Variants in ACSL6 observed in about 807,000 individuals in gnomAD.
ACSL6 encodes long-chain-fatty-acid--CoA ligase 6.
A neutral mutation model predicts 98.2 loss-of-function variants in ACSL6; 47 were observed. The ratio of observed to expected loss-of-function variants is 0.48; its 90% CI spans 0.38 to 0.61. The LOEUF (loss-of-function observed/expected upper bound fraction) is 0.61. Among genes scored for constraint, ACSL6 ranks in the 20% least tolerant of loss-of-function variants. ACSL6 has a pLI of 0.00. For missense variants in ACSL6, 761 were observed against 913.4 expected (o/e 0.83, Z 2.15); for synonymous variants, 362 against 336.9 (o/e 1.07, Z -0.82).
intron 3 of ACSL6, 132 bp from the exon 4 acceptor site, chr5:131,990,296 G>A: frequency 1.3e-6 from 1 of 798,704 alleles, no homozygotes; most frequent in Non-Finnish European, 2.0e-6. Context: ...CTGCCCTCCT[G>A]CACTGCCAGC....
chr5:131,962,777 G>T, intron 17 of ACSL6, 99 bp from the exon 18 acceptor site: 4 of 1,365,972 alleles, frequency 2.9e-6, no homozygotes, highest in Non-Finnish European at 3.0e-6. Flanking sequence ...CCACCCTGCA[G>T]ACCCCACCCC....
In ACSL6 at chr5:132,011,454, C is replaced by T. The variant is rs1299909334; in HGVS notation, c.49+51G>A. 1 of 1,586,560 alleles carries T rather than the reference C, an allele frequency of 6.3e-7. No individual in the cohort carries two copies. Among genetic ancestry groups the T allele is most frequent in the Admixed American group, 1.7e-5 (1 of 59,848 alleles). ...ACACCTCCACCTCGGGCGAAGACCT[C>T]ATAGCCTGCGGGAGATGGGAGTCCG... On this transcript the variant is annotated intron_variant, in intron 1 of 20. Transcript: ENST00000651883. The surrounding 1 kb of genome is among the most constrained non-coding windows in gnomAD (Gnocchi z 5.4).
Position 131,952,533 on chromosome 5 carries a change from A to C in ACSL6, c.*1701T>G, listed in dbSNP as rs1465804423. 1 of 215,578 alleles carries C rather than the reference A, an allele frequency of 4.6e-6. No individual in the cohort carries two copies. The allele number at this position is 215,578 out of a possible 1,614,324, so 13.4% of individuals were successfully genotyped here. ...TAGACTACAAACACTGAGCACATAC[A>C]TTTTAAATTAACACATGAATTGCAT... On this transcript the variant is annotated 3_prime_UTR_variant, in exon 21 of 21. Coordinates refer to ENST00000651883, the MANE Select transcript of ACSL6 (RefSeq NM_001009185.3).
chr5:131,960,426 C>T (rs974713023), intron 19 of ACSL6, 94 bp downstream of exon 19: 10 of 992,426 alleles, frequency 1.0e-5, no homozygotes, highest in Admixed American at 6.1e-5. Context: ...CGTACGAGCT[C>T]GAATTTCACT....
intron 1 of ACSL6, among the ~76,000 whole-genome samples, chr5:132,005,118 C>T (rs570889116): frequency 4.5e-4 from 68 of 152,164 alleles, no homozygotes; most frequent in African/African-American, 1.6e-3. Flanking sequence ...CGCCATTGCA[C>T]TCCAGCCTGG....
intron 13 of ACSL6, 81 bp from the exon 14 acceptor site, chr5:131,971,726 C>T (rs1753319079): frequency 8.2e-7 from 1 of 1,225,834 alleles, no homozygotes; most frequent in South Asian, 1.7e-5. Flanking sequence ...CCAAGGTCAA[C>T]ATCCAACAAC....
intron 9 of ACSL6, chr5:131,984,723 T>G (rs1754078438): frequency 6.5e-6 from 1 of 154,272 alleles, no homozygotes; most frequent in African/African-American, 2.4e-5. Context: ...GAAGCCTTCC[T>G]TGATTATTCC....
At chr5:132,008,811 T>G (rs1203254804) in intron 1 of ACSL6, among the ~76,000 whole-genome samples, 1 of 152,240 alleles carries the variant, frequency 6.6e-6, no homozygotes, top group Non-Finnish European at 1.5e-5. Flanking sequence ...GGTATATGAT[T>G]GAACAGATTA....
At chr5:131,988,475 C>T in intron 6 of ACSL6, 1 of 1,546,284 alleles carries the variant, frequency 6.5e-7, no homozygotes, top group Admixed American at 1.7e-5. Context: ...CAGGCTCTGC[C>T]CCCATCATCC....
intron 17 of ACSL6, among the ~76,000 whole-genome samples, chr5:131,965,818 A>C (rs951172655): frequency 3.9e-5 from 6 of 152,224 alleles, no homozygotes; most frequent in Non-Finnish European, 8.8e-5. Flanking sequence ...AAAATGAGAG[A>C]ATGAGGCAAA....
chr5:132,005,710 C>T (rs1755369585), intron 1 of ACSL6, among the ~76,000 whole-genome samples: 1 of 152,220 alleles, frequency 6.6e-6, no homozygotes, highest in Admixed American at 6.5e-5. Flanking sequence ...GGGGGAGTCT[C>T]AGCCCCTACA....
In ACSL6 at chr5:131,986,788, C is replaced by G. The variant is rs141033988; in HGVS notation, c.864+34G>C. The G allele has an allele frequency of 1.5e-5, 24 of 1,613,850 alleles. No homozygotes were observed. The East Asian group carries it at 5.3e-4, about 36-fold the overall frequency. On this transcript the variant is annotated intron_variant, in intron 8 of 20. Transcript: ENST00000651883. Reference sequence around the variant, plus strand: ...TGAGGACAGGCCCTGCACGCCATCTCGCTCAATAAAGACCTGCAGGTGAAT... The same window carrying G: ...TGAGGACAGGCCCTGCACGCCATCTGGCTCAATAAAGACCTGCAGGTGAAT...
At position 131,990,230 on chromosome 5, in the gene ACSL6, C is replaced by A. The variant is rs968937286; in HGVS notation, c.386-66G>T. On this transcript the variant is annotated intron_variant, in intron 3 of 20. Coordinates refer to ENST00000651883, the MANE Select transcript of ACSL6 (RefSeq NM_001009185.3). ...GAGTGGGTGTGCCACCTGCATCCGC[C>A]CATCAGAAACCTGGATGGACATCCC... is the stretch of plus-strand genomic sequence containing the variant. 143 of 1,513,592 alleles carry A rather than the reference C, an allele frequency of 9.4e-5. No homozygotes were observed. In the Admixed American group the frequency reaches 2.5e-3, roughly 26 times the overall value. 93.8% of individuals were successfully genotyped at this position (1,513,592 alleles called of 1,614,324 possible).
intron 1 of ACSL6, among the ~76,000 whole-genome samples, chr5:132,003,297 G>A (rs943413228): frequency 4.6e-5 from 7 of 152,188 alleles, no homozygotes; most frequent in African/African-American, 9.6e-5. Context: ...GAGGTCAGGC[G>A]GCACAGCAGC....
At chr5:132,007,652 T>C (rs1443527758) in intron 1 of ACSL6, among the ~76,000 whole-genome samples, 3 of 152,140 alleles carry the variant, frequency 2.0e-5, no homozygotes, top group Non-Finnish European at 4.4e-5. Context: ...TGGAGAATCA[T>C]AGACAGGGTG....
intron 16 of ACSL6, among the ~76,000 whole-genome samples, chr5:131,967,672 T>TAAC (rs1474357142): frequency 9.4e-6 from 1 of 106,556 alleles, no homozygotes; most frequent in Admixed American, 8.7e-5. Context: ...CTCAAATTAA[T>TAAC]AATAATAATA....
chr5:131,960,865 A>G (rs1752670325), intron 18 of ACSL6: 1 of 365,594 alleles, frequency 2.7e-6, no homozygotes, highest in African/African-American at 2.1e-5. Flanking sequence ...ACTGATATGC[A>G]CCTTTGATTC....
Position 131,994,145 on chromosome 5 carries a change from G to A in ACSL6, c.156C>T (p.Ala52=), listed in dbSNP as rs1236602564. Residue 52 remains alanine, a synonymous_variant, in exon 2 of 21, where the codon GCC becomes GCT. Coordinates refer to ENST00000651883, the MANE Select transcript of ACSL6 (RefSeq NM_001009185.3). ...GGGCACCCATACTCACGAGGGTGGT[G>A]GCCGAGAGGCTGCGGAAAAACTGTC... ...DLGQFFRSLS[A]TTLVSMGALA... is the part of the protein sequence containing the mutation. 1.9e-6 allele frequency: 3 copies of A among 1,614,072 alleles called. No homozygotes were observed. The highest frequency in any genetic ancestry group is 2.2e-5 in the East Asian group (1 of 44,896).
intron 1 of ACSL6, among the ~76,000 whole-genome samples, chr5:132,002,584 G>A (rs913721905): frequency 2.6e-5 from 4 of 152,182 alleles, no homozygotes; most frequent in Non-Finnish European, 4.4e-5. Flanking sequence ...CTGGTCTCCT[G>A]GGGACACGTG....
Sources: allele counts gnomAD v4.1 joint callset (sites outside exome capture counted in the v4.1 genomes callset), GRCh38; gene constraint gnomAD v4.1.1; non-coding constraint Gnocchi (gnomAD v3.1); transcripts MANE v1.5; gene names NCBI Gene and HGNC (gene_info 2026-07-23, HGNC 2026-07-21).